Variants in AAK1 observed in about 807,000 individuals in gnomAD.
AAK1 encodes the protein AP2-associated protein kinase 1.
In AAK1, 37 loss-of-function variants were observed where a neutral mutation model predicts 116.0. The observed-to-expected ratio is 0.32, with a 90% CI of 0.25 to 0.42. The LOEUF (loss-of-function observed/expected upper bound fraction) is 0.42, where lower values mean the gene tolerates loss of function less well. Among genes scored for constraint, AAK1 ranks in the 10% least tolerant of loss-of-function variants. The probability of loss-of-function intolerance (pLI) is 1.00; values close to 1 mark genes in which losing one functional copy is unlikely to be tolerated. For synonymous variants in AAK1, 458 were observed against 439.9 expected (o/e 1.04, Z -0.51); for missense variants, 919 against 1,170.6 (o/e 0.79, Z 3.14).
chr2:69,482,570 A>G (rs1201887694), intron 18 of AAK1, 141 bp downstream of exon 18: 1 of 754,384 alleles, frequency 1.3e-6, no homozygotes. Flanking sequence ...CTTCATTTGG[A>G]GTGATACAAG....
intron 2 of AAK1, among the ~76,000 whole-genome samples, chr2:69,560,221 A>AGAAG (rs1299142128): frequency 5.9e-5 from 9 of 152,212 alleles, no homozygotes; most frequent in Non-Finnish European, 1.2e-4. Flanking sequence ...TGGAGATGTA[A>AGAAG]ACTAGGTTAG....
intron 2 of AAK1, chr2:69,594,685 T>A (rs918732350): frequency 5.0e-6 from 3 of 598,852 alleles, no homozygotes; most frequent in African/African-American, 1.9e-5. Context: ...GAATTTTTTT[T>A]AAGTGAATAT....
intron 2 of AAK1, among the ~76,000 whole-genome samples, chr2:69,636,533 AG>A (rs1423547409): frequency 1.3e-5 from 2 of 152,180 alleles, no homozygotes. Flanking sequence ...CTATCCAAAA[AG>A]TTTAGAGACT....
intron 13 of AAK1, among the ~76,000 whole-genome samples, chr2:69,510,912 T>A (rs1056758046): frequency 6.6e-6 from 1 of 152,214 alleles, no homozygotes; most frequent in East Asian, 1.9e-4. Context: ...ACTCTTGTGA[T>A]GTGGGCCATT....
intron 2 of AAK1, among the ~76,000 whole-genome samples, chr2:69,558,821 C>T (rs1414395945): frequency 2.6e-5 from 4 of 152,178 alleles, no homozygotes; most frequent in Non-Finnish European, 5.9e-5. Context: ...AATAAAGCCT[C>T]GGGTCCTGAT....
chr2:69,599,003 A>T (rs1267556694), intron 2 of AAK1: 1 of 339,642 alleles, frequency 2.9e-6, no homozygotes, highest in Non-Finnish European at 5.8e-6. Flanking sequence ...CTTTGTGGAA[A>T]GTGTTAAAGT....
chr2:69,607,074 G>A (rs545074398), intron 2 of AAK1, among the ~76,000 whole-genome samples: 77 of 149,582 alleles, frequency 5.1e-4, no homozygotes, highest in Admixed American at 1.2e-3. Context: ...AAAAAAGTGC[G>A]TTAGATTGTG....
At chr2:69,542,166 G>A (rs1333575828) in intron 5 of AAK1, among the ~76,000 whole-genome samples, 1 of 152,136 alleles carries the variant, frequency 6.6e-6, no homozygotes, top group African/African-American at 2.4e-5. Flanking sequence ...AGTTGATTTT[G>A]CAAAATATGA....
At chr2:69,541,340 CAT>C (rs1398536890) in intron 5 of AAK1, among the ~76,000 whole-genome samples, 4 of 150,684 alleles carry the variant, frequency 2.7e-5, no homozygotes, top group Non-Finnish European at 5.9e-5. Context: ...AAGTGATTCT[CAT>C]GCCTCCGCCT....
At chr2:69,530,549 C>A in intron 7 of AAK1, 76 bp downstream of exon 7, 1 of 1,231,824 alleles carries the variant, frequency 8.1e-7, no homozygotes, top group Non-Finnish European at 1.2e-6. Context: ...TGCTATAGCG[C>A]TGTGTGCATT....
At chr2:69,619,490 T>C (rs1674490737) in intron 2 of AAK1, among the ~76,000 whole-genome samples, 1 of 152,208 alleles carries the variant, frequency 6.6e-6, no homozygotes, top group Admixed American at 6.5e-5. Flanking sequence ...AAATATTTAC[T>C]GTGTCCCTAC....
chr2:69,571,273 A>C (rs764607385), intron 2 of AAK1, among the ~76,000 whole-genome samples: 3 of 152,204 alleles, frequency 2.0e-5, no homozygotes, highest in Non-Finnish European at 2.9e-5. Context: ...TGAGAATCCG[A>C]AGTGATGACC....
At chr2:69,511,712 G>C (rs1197546838) in intron 13 of AAK1, among the ~76,000 whole-genome samples, 1 of 152,218 alleles carries the variant, frequency 6.6e-6, no homozygotes, top group Non-Finnish European at 1.5e-5. Context: ...GAAATCTCCA[G>C]GGCATTTTAC....
At chr2:69,633,076 C>G (rs1675272715) in intron 2 of AAK1, among the ~76,000 whole-genome samples, 2 of 151,294 alleles carry the variant, frequency 1.3e-5, no homozygotes, top group Non-Finnish European at 3.0e-5. Flanking sequence ...AAAAAATTAG[C>G]CAGGCATGGT....
Position 69,473,273 on chromosome 2 carries a change from A to G in AAK1, c.*2596T>C. The G allele has an allele frequency of 1.5e-5, 15 of 970,988 alleles. No homozygotes were observed. The highest frequency in any genetic ancestry group is 1.8e-5 in the Non-Finnish European group (15 of 816,806). The allele number at this position is 970,988 out of a possible 1,614,324, so 60.1% of individuals were successfully genotyped here. On this transcript the variant is annotated 3_prime_UTR_variant, in exon 22 of 22. Coordinates refer to ENST00000409085, the MANE Select transcript of AAK1 (RefSeq NM_014911.5). Reference sequence around the variant, plus strand: ...CAGGTCCCACACCTGTAAAATGAAGAGGATGGTGGACTAGAGGATGGTCTC... The same window carrying G: ...CAGGTCCCACACCTGTAAAATGAAGGGGATGGTGGACTAGAGGATGGTCTC...
chr2:69,488,185 G>A (rs894236021), intron 17 of AAK1, among the ~76,000 whole-genome samples: 5 of 116,894 alleles, frequency 4.3e-5, no homozygotes, highest in Admixed American at 2.9e-4. Context: ...TGTGTTTGAG[G>A]GAGGGGAACA....
chr2:69,503,939 C>T (rs1676073464), intron 16 of AAK1, among the ~76,000 whole-genome samples: 1 of 149,868 alleles, frequency 6.7e-6, no homozygotes, highest in Non-Finnish European at 1.5e-5. Flanking sequence ...GTGGAGGTTG[C>T]AGTGAGCCAA....
chr2:69,643,227 G>C lies in AAK1; in HGVS notation c.-187C>G. On this transcript the variant is annotated 5_prime_UTR_variant, in exon 2 of 22. Transcript: ENST00000409085. ...CTATAGGAATATGCGTGTCAATCGCGCAGCGGGTCCCCTCCTCCTCCAGAA... is the reference window on the plus strand; with the variant it reads ...CTATAGGAATATGCGTGTCAATCGCCCAGCGGGTCCCCTCCTCCTCCAGAA... 1.4e-6 allele frequency: 2 copies of C among 1,408,462 alleles called. No homozygotes were observed. Among genetic ancestry groups the C allele is most frequent in the Non-Finnish European group, 1.8e-6 (2 of 1,088,694 alleles). 87.2% of individuals were successfully genotyped at this position (1,408,462 alleles called of 1,614,324 possible).
intron 3 of AAK1, among the ~76,000 whole-genome samples, chr2:69,553,447 T>TTG (rs941392292): frequency 7.3e-6 from 1 of 137,450 alleles, no homozygotes; most frequent in African/African-American, 2.8e-5. Context: ...GTTTTTTTTT[T>TTG]TTTTTTTTTT....
Sources: gnomAD v4.1 joint callset for allele counts (sites outside exome capture counted in the v4.1 genomes callset) on GRCh38, gnomAD v4.1.1 for gene constraint, MANE v1.5 for transcripts, NCBI Gene and HGNC (gene_info 2026-07-23, HGNC 2026-07-21) for gene names.